RNF130: variants seen among roughly 807,000 people sequenced by gnomAD.
The protein encoded by RNF130 is ring finger protein 130.
In RNF130, 21 loss-of-function variants were observed where a neutral mutation model predicts 44.6. The observed-to-expected ratio is 0.47, with a 90% CI of 0.33 to 0.68. RNF130 has a LOEUF of 0.68. Ranked by LOEUF, RNF130 falls within the 30% of genes least tolerant of loss-of-function variation. The pLI, the probability that RNF130 is intolerant of heterozygous loss-of-function variation, is 0.02. For missense variants in RNF130, 479 were observed against 560.6 expected (o/e 0.85, Z 1.47); for synonymous variants, 214 against 210.4 (o/e 1.02, Z -0.15).
intron 4 of RNF130, among the ~76,000 whole-genome samples, chr5:179,978,628 G>A (rs916928419): frequency 2.0e-5 from 3 of 152,152 alleles, no homozygotes; most frequent in African/African-American, 7.2e-5. Context: ...TTGGTCTGAA[G>A]AGGTTTCACT....
chr5:180,062,185 G>C (rs1389977587), intron 1 of RNF130, among the ~76,000 whole-genome samples: 8 of 151,916 alleles, frequency 5.3e-5, no homozygotes, highest in Admixed American at 4.6e-4. Context: ...CTCCTGAGTA[G>C]CTGGGACTAC....
At chr5:179,971,735 T>G (rs1762591316) in intron 5 of RNF130, among the ~76,000 whole-genome samples, 2 of 152,228 alleles carry the variant, frequency 1.3e-5, no homozygotes, top group African/African-American at 4.8e-5. Context: ...CAACTTTGAT[T>G]GTCAATTTCT....
intron 8 of RNF130, among the ~76,000 whole-genome samples, chr5:179,958,106 T>C (rs1025180736): frequency 3.9e-5 from 6 of 152,112 alleles, no homozygotes; most frequent in African/African-American, 1.2e-4. Context: ...CTCGATCTCC[T>C]GACCTCGTGA....
intron 1 of RNF130, among the ~76,000 whole-genome samples, chr5:180,055,971 C>G (rs1356878601): frequency 6.6e-6 from 1 of 152,022 alleles, no homozygotes; most frequent in Non-Finnish European, 1.5e-5. Flanking sequence ...TTAATCCCAG[C>G]TACTCGGGAG....
exon 8 of RNF130, chr5:179,916,461 C>T (rs1455009374): frequency 6.6e-6 from 1 of 152,240 alleles, no homozygotes; most frequent in Non-Finnish European, 1.5e-5. Flanking sequence ...ATGAGAAGAG[C>T]TTATAAAGCC....
At chr5:179,987,077 T>C (rs1762970948) in intron 3 of RNF130, among the ~76,000 whole-genome samples, 1 of 152,148 alleles carries the variant, frequency 6.6e-6, no homozygotes, top group Non-Finnish European at 1.5e-5. Context: ...CTACATATGG[T>C]CACATAACCT....
chr5:179,968,390 G>C (rs1762499224), intron 6 of RNF130, among the ~76,000 whole-genome samples: 1 of 152,102 alleles, frequency 6.6e-6, no homozygotes, highest in Admixed American at 6.5e-5. Context: ...TGTTGGCCAG[G>C]CACGGTGGCT....
chr5:179,933,948 T>C (rs765770184), intron 7 of RNF130: 6 of 447,546 alleles, frequency 1.3e-5, no homozygotes, highest in Admixed American at 3.2e-5. Flanking sequence ...TTCTAGATCT[T>C]TGAGCTGCAC....
intron 1 of RNF130, among the ~76,000 whole-genome samples, chr5:180,058,289 T>C (rs1764885422): frequency 6.6e-6 from 1 of 152,240 alleles, no homozygotes; most frequent in African/African-American, 2.4e-5. Flanking sequence ...CTTACGGTTG[T>C]GTATTTTTCA....
At chr5:179,926,225 T>C (rs1297261354) in intron 7 of RNF130, among the ~76,000 whole-genome samples, 1 of 152,228 alleles carries the variant, frequency 6.6e-6, no homozygotes, top group Non-Finnish European at 1.5e-5. Flanking sequence ...GTCAGCTTTA[T>C]TTATAGGCCT....
chr5:180,020,180 T>C (rs965356344), intron 2 of RNF130, among the ~76,000 whole-genome samples: 1 of 152,244 alleles, frequency 6.6e-6, no homozygotes, highest in African/African-American at 2.4e-5. Context: ...ACCAGGCTCC[T>C]GGAGAAGTGG....
At position 179,912,516 on chromosome 5, in the gene RNF130, A is replaced by G. The variant is rs1761480450; in HGVS notation, c.*7801T>C. ...AAGCCAGGCCCAGGCTGTCTGGAGA[A>G]CGCCTGGAGACAGCACCCTCTCTGC... On this transcript the variant is annotated 3_prime_UTR_variant, in exon 8 of 8. Transcript: ENST00000522208. The G allele has an allele frequency of 2.6e-5, 4 of 152,208 alleles. No homozygotes were observed. In the South Asian group the frequency reaches 8.3e-4, roughly 32 times the overall value. 9.4% of individuals were successfully genotyped at this position (152,208 alleles called of 1,614,324 possible).
intron 2 of RNF130, among the ~76,000 whole-genome samples, chr5:180,038,989 C>T (rs1764341641): frequency 6.6e-6 from 1 of 152,152 alleles, no homozygotes; most frequent in Non-Finnish European, 1.5e-5. Flanking sequence ...CAAACCGGCA[C>T]CTGCTCTGAA....
At chr5:179,959,065 T>C (rs1327158814) in intron 8 of RNF130, among the ~76,000 whole-genome samples, 30 of 152,204 alleles carry the variant, frequency 2.0e-4, no homozygotes. Context: ...AGCATCACTC[T>C]GTATGCACTG....
chr5:180,038,243 T>TG (rs1280290229), intron 2 of RNF130, among the ~76,000 whole-genome samples: 2 of 147,818 alleles, frequency 1.4e-5, no homozygotes, highest in African/African-American at 2.4e-5. Context: ...TTTGTAGAGA[T>TG]GGGGTCTCCC....
intron 3 of RNF130, 63 bp from the exon 4 acceptor site, chr5:179,980,263 T>G (rs1309024350): frequency 6.9e-7 from 1 of 1,453,446 alleles, no homozygotes; most frequent in East Asian, 2.3e-5. Flanking sequence ...GTACTTTATT[T>G]TTAAGCAATT....
At chr5:180,031,724 T>C (rs1001173187) in intron 2 of RNF130, among the ~76,000 whole-genome samples, 1 of 152,234 alleles carries the variant, frequency 6.6e-6, no homozygotes. Context: ...TGTGTGTAAG[T>C]CTTTGTGTGG....
At chr5:180,048,406 C>T (rs544753825) in intron 1 of RNF130, among the ~76,000 whole-genome samples, 8 of 152,284 alleles carry the variant, frequency 5.3e-5, no homozygotes, top group African/African-American at 1.4e-4. Context: ...ACCTCCGAAT[C>T]TAGGCAATTT....
In RNF130 at chr5:180,013,487, C is replaced by T. The variant is rs192831482; in HGVS notation, c.443-176G>A. Among the ~76,000 whole-genome samples, 487 of 152,256 alleles carry T rather than the reference C, an allele frequency of 3.2e-3. 4 individuals carry two copies. Among genetic ancestry groups the T allele is most frequent in the African/African-American group, 0.011 (456 of 41,542 alleles). Reference sequence around the variant, plus strand: ...TGGGTATGCTGGCACCAAGTAGGAACATGTAATTTGTTGTGTGGTACTTAA... The same window carrying T: ...TGGGTATGCTGGCACCAAGTAGGAATATGTAATTTGTTGTGTGGTACTTAA... On this transcript the variant is annotated intron_variant, in intron 2 of 8. Transcript: ENST00000521389.
Sources: allele counts gnomAD v4.1 joint callset (sites outside exome capture counted in the v4.1 genomes callset), GRCh38; gene constraint gnomAD v4.1.1; transcripts MANE v1.5; gene names NCBI Gene and HGNC (gene_info 2026-07-23, HGNC 2026-07-21).